The following FCHSD2 variants were observed in gnomAD, a reference collection of about 807,000 sequenced individuals.
FCHSD2 encodes the protein FCH and double SH3 domains 2, also known as F-BAR and double SH3 domains protein 2.
A neutral mutation model predicts 108.1 loss-of-function variants in FCHSD2; 38 were observed. The observed-to-expected ratio is 0.35, with a 90% CI of 0.27 to 0.46. The LOEUF (loss-of-function observed/expected upper bound fraction) is 0.46. Among genes scored for constraint, FCHSD2 ranks in the 20% least tolerant of loss-of-function variants. The pLI, the probability that FCHSD2 is intolerant of heterozygous loss-of-function variation, is 1.00. For synonymous variants in FCHSD2, 279 were observed against 314.7 expected, an observed-to-expected ratio of 0.89 and a Z score of 1.20; for missense variants, 751 against 897.8, an observed-to-expected ratio of 0.84 and a Z score of 2.09.
chr11:72,981,260 C>A (rs1857211211), intron 8 of FCHSD2, among the ~76,000 whole-genome samples: 1 of 152,144 alleles, frequency 6.6e-6, no homozygotes, highest in Non-Finnish European at 1.5e-5. Context: ...TAAATGAATA[C>A]TCCAAAGCAT....
At chr11:73,131,202 C>G (rs1420824936) in intron 2 of FCHSD2, among the ~76,000 whole-genome samples, 1 of 151,156 alleles carries the variant, frequency 6.6e-6, no homozygotes, top group Non-Finnish European at 1.5e-5. Flanking sequence ...AACCAAATAA[C>G]GAAATCCCAT....
At chr11:72,896,372 T>C (rs1855418094) in intron 10 of FCHSD2, among the ~76,000 whole-genome samples, 1 of 152,232 alleles carries the variant, frequency 6.6e-6, no homozygotes, top group East Asian at 1.9e-4. Flanking sequence ...CATGCATGTT[T>C]CCCATATTAT....
At chr11:73,046,794 G>A (rs865894097) in intron 3 of FCHSD2, among the ~76,000 whole-genome samples, 1 of 152,068 alleles carries the variant, frequency 6.6e-6, no homozygotes, top group Non-Finnish European at 1.5e-5. Flanking sequence ...TGTTGCCCAG[G>A]CTGGTCTTGA....
chr11:73,063,174 T>A (rs1287541285), intron 3 of FCHSD2, among the ~76,000 whole-genome samples: 1 of 152,192 alleles, frequency 6.6e-6, no homozygotes, highest in Admixed American at 6.5e-5. Flanking sequence ...CAGAATTTCA[T>A]ATCCAGCCTA....
chr11:72,903,260 G>A (rs1002426350), intron 9 of FCHSD2, among the ~76,000 whole-genome samples: 1 of 151,932 alleles, frequency 6.6e-6, no homozygotes, highest in East Asian at 1.9e-4. Flanking sequence ...TCTGTCGCCT[G>A]GGCTGGAGTA....
At chr11:72,952,329 CTT>C (rs571298552) in intron 8 of FCHSD2, among the ~76,000 whole-genome samples, 4 of 144,898 alleles carry the variant, frequency 2.8e-5, no homozygotes, top group Non-Finnish European at 3.1e-5. Flanking sequence ...GTTTGACTAT[CTT>C]TTTTTTTTTT....
intron 3 of FCHSD2, among the ~76,000 whole-genome samples, chr11:73,058,465 T>C (rs374683303): frequency 5.3e-5 from 8 of 152,294 alleles, no homozygotes; most frequent in African/African-American, 1.9e-4. Context: ...ATACTACTAG[T>C]ATAACACATG....
intron 4 of FCHSD2, among the ~76,000 whole-genome samples, chr11:73,014,124 CTTTTTTTTTT>C (rs947652108): frequency 4.6e-5 from 4 of 86,582 alleles, no homozygotes; most frequent in African/African-American, 1.8e-4. Context: ...TGTGTGGTTT[CTTTTTTTTTT>C]TTTTTTTTTT....
At chr11:73,115,446 G>A (rs1860581320) in intron 2 of FCHSD2, among the ~76,000 whole-genome samples, 1 of 152,188 alleles carries the variant, frequency 6.6e-6, no homozygotes, top group South Asian at 2.1e-4. Flanking sequence ...GTGAGCCACT[G>A]CGCCCGCCCT....
intron 9 of FCHSD2, among the ~76,000 whole-genome samples, chr11:72,906,086 C>G (rs1052271628): frequency 6.6e-6 from 1 of 152,234 alleles, no homozygotes; most frequent in Admixed American, 6.5e-5. Flanking sequence ...TTCTCCACAT[C>G]CTCTCCAGCA....
intron 2 of FCHSD2, among the ~76,000 whole-genome samples, chr11:73,116,542 G>GT (rs376757976): frequency 6.6e-5 from 10 of 150,544 alleles, no homozygotes; most frequent in African/African-American, 9.7e-5. Context: ...TTTCGTTTTT[G>GT]TTTTTTTTTC....
chr11:72,902,658 T>A lies in FCHSD2; in HGVS notation c.829-20A>T. ...GACCACCTAAAGAGAAAATAAAATA[T>A]CTTTAGGTCTTTAATGAGGTTAAAA... On this transcript the variant is annotated intron_variant, in intron 9 of 19. Transcript: ENST00000409418. 6.9e-7 allele frequency: 1 copy of A among 1,447,002 alleles called. No individual in the cohort carries two copies. The highest frequency in any genetic ancestry group is 9.5e-7 in the Non-Finnish European group (1 of 1,054,752). The allele number at this position is 1,447,002 out of a possible 1,614,324, so 89.6% of individuals were successfully genotyped here.
intron 11 of FCHSD2, among the ~76,000 whole-genome samples, chr11:72,887,856 G>C (rs921824009): frequency 1.3e-5 from 2 of 152,178 alleles, no homozygotes; most frequent in Non-Finnish European, 2.9e-5. Context: ...CCAATACTCA[G>C]ATTAGTGAGA....
chr11:73,129,093 G>A (rs996501817), intron 2 of FCHSD2, among the ~76,000 whole-genome samples: 5 of 151,974 alleles, frequency 3.3e-5, no homozygotes, highest in African/African-American at 9.7e-5. Context: ...GGATGGTCTC[G>A]ATCTCCTGAC....
chr11:72,863,026 T>C (rs192472611), intron 13 of FCHSD2, among the ~76,000 whole-genome samples: 2 of 152,268 alleles, frequency 1.3e-5, no homozygotes, highest in East Asian at 3.9e-4. Context: ...GGGTTCAAGA[T>C]ACCTTCTTGC....
At chr11:73,009,826 A>G (rs1331260298) in intron 4 of FCHSD2, among the ~76,000 whole-genome samples, 1 of 151,638 alleles carries the variant, frequency 6.6e-6, no homozygotes, top group Non-Finnish European at 1.5e-5. Flanking sequence ...CTGTTTTTTG[A>G]ATTCTCTCTT....
At chr11:73,097,740 T>C (rs990241366) in intron 2 of FCHSD2, among the ~76,000 whole-genome samples, 4 of 152,056 alleles carry the variant, frequency 2.6e-5, no homozygotes, top group African/African-American at 9.7e-5. Context: ...TTCACCTGAA[T>C]TATCTAATTT....
At chr11:73,109,852 T>C (rs893567256) in intron 2 of FCHSD2, among the ~76,000 whole-genome samples, 1 of 152,190 alleles carries the variant, frequency 6.6e-6, no homozygotes, top group African/African-American at 2.4e-5. Context: ...ATGGCTTTTA[T>C]TGTGTTGAGG....
intron 3 of FCHSD2, among the ~76,000 whole-genome samples, chr11:73,039,444 G>A (rs1423436681): frequency 6.6e-6 from 1 of 151,974 alleles, no homozygotes; most frequent in Non-Finnish European, 1.5e-5. Context: ...CTTGAACCCG[G>A]GAGATGGAGG....
Sources: gnomAD v4.1 joint callset for allele counts (sites outside exome capture counted in the v4.1 genomes callset) on GRCh38, gnomAD v4.1.1 for gene constraint, MANE v1.5 for transcripts, NCBI Gene and HGNC (gene_info 2026-07-23, HGNC 2026-07-21) for gene names.